RYR3: variants seen among roughly 807,000 people sequenced by gnomAD.
The protein encoded by RYR3 is brain ryanodine receptor-calcium release channel.
Under a neutral mutation model 584.3 loss-of-function variants are expected in RYR3, and 207 were observed. That is an observed-to-expected ratio of 0.35 (90% CI 0.32 to 0.40). RYR3 has a LOEUF of 0.40. Among genes scored for constraint, RYR3 ranks in the 10% least tolerant of loss-of-function variants. The pLI is 1.00. For synonymous variants in RYR3, 2,416 were observed against 2,248.5 expected (o/e 1.07, Z -2.11); for missense variants, 5,616 against 6,089.2 (o/e 0.92, Z 2.59).
At chr15:33,860,032 T>C (rs1404467569) in intron 100 of RYR3, among the ~76,000 whole-genome samples, 2 of 152,182 alleles carry the variant, frequency 1.3e-5, no homozygotes, top group Non-Finnish European at 2.9e-5. Flanking sequence ...GCTAGTCTTG[T>C]CCTCTTCATT....
At chr15:33,515,659 A>AG (rs1315077151) in intron 3 of RYR3, among the ~76,000 whole-genome samples, 1 of 152,244 alleles carries the variant, frequency 6.6e-6, no homozygotes, top group Non-Finnish European at 1.5e-5. Context: ...AGCTGTTCCC[A>AG]GGGTAACCAG....
intron 1 of RYR3, among the ~76,000 whole-genome samples, chr15:33,422,074 C>T (rs573982116): frequency 1.3e-5 from 2 of 152,308 alleles, no homozygotes; most frequent in East Asian, 3.9e-4. Context: ...TTCTGTTTCA[C>T]ATGGAGCACA....
At chr15:33,678,372 C>T (rs138252629) in intron 38 of RYR3, among the ~76,000 whole-genome samples, 111 of 152,262 alleles carry the variant, frequency 7.3e-4, no homozygotes, top group African/African-American at 2.3e-3. Context: ...CCCCTTCATA[C>T]GCACTCTCTC....
chr15:33,806,313 G>A (rs137878932), intron 69 of RYR3, among the ~76,000 whole-genome samples: 13 of 152,234 alleles, frequency 8.5e-5, no homozygotes, highest in Admixed American at 2.0e-4. Context: ...TGATGTAAGC[G>A]TGGGGAGATG....
chr15:33,537,499 A>T (rs930757873), intron 5 of RYR3, among the ~76,000 whole-genome samples: 2 of 151,380 alleles, frequency 1.3e-5, no homozygotes, highest in Non-Finnish European at 2.9e-5. Flanking sequence ...TTACAGCTTC[A>T]CAAGTCATAC....
At chr15:33,423,994 C>T (rs530856936) in intron 1 of RYR3, among the ~76,000 whole-genome samples, 3 of 152,320 alleles carry the variant, frequency 2.0e-5, no homozygotes, top group East Asian at 3.9e-4. Flanking sequence ...CTTGCTAGTA[C>T]TCTTGGTGAA....
intron 1 of RYR3, among the ~76,000 whole-genome samples, chr15:33,453,236 G>T (rs568108940): frequency 6.6e-6 from 1 of 152,058 alleles, no homozygotes; most frequent in East Asian, 1.9e-4. Flanking sequence ...AGTAAGATTT[G>T]TAGAAAAAAA....
intron 62 of RYR3, among the ~76,000 whole-genome samples, chr15:33,771,015 C>T (rs2073524330): frequency 6.6e-6 from 1 of 152,226 alleles, no homozygotes; most frequent in Non-Finnish European, 1.5e-5. Context: ...AGCTGATCTT[C>T]ATCCCTGTAG....
At chr15:33,375,028 C>T (rs2141129770) in intron 1 of RYR3, among the ~76,000 whole-genome samples, 1 of 152,298 alleles carries the variant, frequency 6.6e-6, no homozygotes, top group South Asian at 2.1e-4. Context: ...ATTAAACATA[C>T]ATTGAAAGCA....
At chr15:33,859,975 C>T (rs1258435945) in intron 100 of RYR3, among the ~76,000 whole-genome samples, 1 of 152,160 alleles carries the variant, frequency 6.6e-6, no homozygotes, top group East Asian at 1.9e-4. Flanking sequence ...TGTTCCTCTA[C>T]TCTGAATTAT....
intron 2 of RYR3, among the ~76,000 whole-genome samples, chr15:33,483,263 T>G (rs551893809): frequency 1.3e-5 from 2 of 152,308 alleles, no homozygotes; most frequent in Non-Finnish European, 1.5e-5. Context: ...ATTTAAATCC[T>G]TGACTACCAA....
At chr15:33,532,292 G>A (rs1182758729) in intron 4 of RYR3, among the ~76,000 whole-genome samples, 1 of 152,148 alleles carries the variant, frequency 6.6e-6, no homozygotes, top group Non-Finnish European at 1.5e-5. Flanking sequence ...ACCTGCCCAT[G>A]TATCTTTATA....
intron 38 of RYR3, among the ~76,000 whole-genome samples, chr15:33,684,067 A>G (rs2064821508): frequency 6.6e-6 from 1 of 152,272 alleles, no homozygotes; most frequent in Non-Finnish European, 1.5e-5. Flanking sequence ...GCATAGCTGA[A>G]CAAAAGGCAG....
chr15:33,570,691 T>C (rs938848250), intron 12 of RYR3, among the ~76,000 whole-genome samples: 9 of 152,298 alleles, frequency 5.9e-5, no homozygotes, highest in Non-Finnish European at 1.2e-4. Flanking sequence ...GTTATCCTCA[T>C]TAAGTCTTCC....
At chr15:33,547,571 A>G (rs895335402) in intron 8 of RYR3, among the ~76,000 whole-genome samples, 7 of 152,192 alleles carry the variant, frequency 4.6e-5, no homozygotes, top group Admixed American at 4.6e-4. Context: ...ATTTTATTTC[A>G]AAACACATTA....
At chr15:33,809,286 A>G (rs190486197) in intron 70 of RYR3, among the ~76,000 whole-genome samples, 2 of 152,218 alleles carry the variant, frequency 1.3e-5, no homozygotes, top group African/African-American at 4.8e-5. Context: ...CTGTCCCCTC[A>G]TTGCTGCAAA....
intron 98 of RYR3, among the ~76,000 whole-genome samples, chr15:33,857,355 T>C (rs1178280347): frequency 6.6e-6 from 1 of 152,020 alleles, no homozygotes; most frequent in East Asian, 1.9e-4. Context: ...GTCTAGCCTC[T>C]CTCTCTGTGT....
intron 98 of RYR3, 62 bp downstream of exon 98, chr15:33,854,974 C>T (rs1353620765): frequency 2.7e-6 from 4 of 1,485,604 alleles, no homozygotes; most frequent in African/African-American, 2.8e-5. Flanking sequence ...AAAAGAACAG[C>T]AGGTAGTATA....
chr15:33,745,728 T>TCCTA (rs977981618), intron 52 of RYR3, among the ~76,000 whole-genome samples: 2 of 152,180 alleles, frequency 1.3e-5, no homozygotes, highest in Non-Finnish European at 2.9e-5. Flanking sequence ...GGCCTTCCAG[T>TCCTA]CCTAGCCTCT....
Sources: gnomAD v4.1 joint callset for allele counts (sites outside exome capture counted in the v4.1 genomes callset) on GRCh38, gnomAD v4.1.1 for gene constraint, MANE v1.5 for transcripts, NCBI Gene and HGNC (gene_info 2026-07-23, HGNC 2026-07-21) for gene names.